Variants in DOCK3 observed in about 807,000 individuals in gnomAD.
DOCK3 encodes dedicator of cytokinesis protein 3.
DOCK3 carries 60 observed loss-of-function variants against 265.6 expected under a neutral mutation model. The ratio of observed to expected loss-of-function variants is 0.23; its 90% CI spans 0.18 to 0.28. The LOEUF (loss-of-function observed/expected upper bound fraction) is 0.28. Among genes scored for constraint, DOCK3 ranks in the 10% least tolerant of loss-of-function variants. The pLI is 1.00. For synonymous variants in DOCK3, 881 were observed against 938.0 expected, an observed-to-expected ratio of 0.94 and a Z score of 1.11; for missense variants, 1,981 against 2,594.3, an observed-to-expected ratio of 0.76 and a Z score of 5.14.
At chr3:51,250,735 T>G (rs1038306840) in intron 22 of DOCK3, among the ~76,000 whole-genome samples, 5 of 152,204 alleles carry the variant, frequency 3.3e-5, no homozygotes, top group African/African-American at 4.8e-5. Flanking sequence ...TGGGAAAGCT[T>G]CTCTGAGGAG....
At chr3:51,199,491 C>T (rs1472428790) in intron 12 of DOCK3, among the ~76,000 whole-genome samples, 3 of 152,212 alleles carry the variant, frequency 2.0e-5, no homozygotes, top group Non-Finnish European at 4.4e-5. Context: ...GGGGGAGGGG[C>T]GCCCGCCATT....
chr3:51,278,196 A>T, intron 26 of DOCK3: 2 of 985,410 alleles, frequency 2.0e-6, no homozygotes, highest in Non-Finnish European at 2.4e-6. Context: ...TTTGTCCATT[A>T]TGTTTGTATC....
rs1440165463 is a variant in DOCK3 at position 51,236,367 on chromosome 3, C to T, written c.1940C>T (p.Thr647Ile). The T allele has an allele frequency of 1.2e-6, 2 of 1,613,664 alleles. No individual in the cohort carries two copies. Among genetic ancestry groups the T allele is most frequent in the South Asian group, 1.1e-5 (1 of 91,052 alleles). The stretch of plus-strand genomic sequence containing the variant: ...TAGTTTCTGCAGGACATCTTAGATA[C>T]ACTCTTTGTGATTTTGGATGATAAT... ...IVKFLQDILDTLFVILDDNTE... is the reference protein window; with the variant it reads ...IVKFLQDILDILFVILDDNTE... Residue 647 changes from threonine (T) to isoleucine (I), a missense_variant, in exon 20 of 53, where the codon ACA becomes ATA. Physicochemically the swap from Thr to Ile is moderately conservative, Grantham distance 89. Coordinates refer to ENST00000266037, the MANE Select transcript of DOCK3 (RefSeq NM_004947.5).
chr3:51,013,092 A>C (rs981036684), intron 5 of DOCK3, among the ~76,000 whole-genome samples: 3 of 152,102 alleles, frequency 2.0e-5, no homozygotes, highest in Non-Finnish European at 4.4e-5. Flanking sequence ...ATGGGTTCGA[A>C]CATCCTCCTT....
At chr3:51,146,772 A>G in intron 10 of DOCK3, 142 bp downstream of exon 10, 1 of 691,772 alleles carries the variant, frequency 1.4e-6, no homozygotes, top group Non-Finnish European at 2.3e-6. Flanking sequence ...TGTTTCTATT[A>G]GGTTTTAATG....
intron 3 of DOCK3, among the ~76,000 whole-genome samples, chr3:50,861,928 A>G (rs1020782836): frequency 1.9e-4 from 29 of 150,528 alleles, no homozygotes; most frequent in Non-Finnish European, 1.8e-4. Context: ...TTTATGTTCA[A>G]GGTTGATACT....
At chr3:51,320,612 C>T (rs1297996041) in intron 32 of DOCK3, among the ~76,000 whole-genome samples, 3 of 152,132 alleles carry the variant, frequency 2.0e-5, no homozygotes, top group African/African-American at 7.2e-5. Flanking sequence ...AGTCCGAGGT[C>T]GACCTGGGAC....
chr3:50,821,306 T>C (rs1354391720), intron 2 of DOCK3, among the ~76,000 whole-genome samples: 1 of 151,928 alleles, frequency 6.6e-6, no homozygotes, highest in East Asian at 1.9e-4. Context: ...GATTTTTTTT[T>C]CTTTTTTTTC....
chr3:50,710,221 A>G (rs1300634156), intron 1 of DOCK3, among the ~76,000 whole-genome samples: 1 of 152,222 alleles, frequency 6.6e-6, no homozygotes, highest in Non-Finnish European at 1.5e-5. Context: ...TCAGCAGAGT[A>G]AACAGACAAC....
rs1212947781 is a variant in DOCK3, at chr3:51,015,870, T to TG, written c.316-48578_316-48577insG. 1.7e-4 allele frequency among the ~76,000 whole-genome samples: 6 copies of TG among 35,558 alleles called. 3 individuals are homozygous for TG. The highest frequency in any genetic ancestry group is 8.7e-4 in the African/African-American group (6 of 6,892). The allele number at this position is 35,558 out of a possible 152,430, so 23.3% of individuals were successfully genotyped here. A position where few individuals can be genotyped will look rare whatever the true frequency, so the allele number is the denominator to read the frequency against. On this transcript the variant is annotated intron_variant, in intron 5 of 52. Transcript: ENST00000266037. Reference sequence around the variant, plus strand: ...ATATATATCATATATATGATATATATATCATATATTTCTATATATGATATA... The same window carrying TG: ...ATATATATCATATATATGATATATATGATCATATATTTCTATATATGATATA...
chr3:51,202,086 G>C (rs1188299812), intron 12 of DOCK3, among the ~76,000 whole-genome samples: 1 of 151,176 alleles, frequency 6.6e-6, no homozygotes, highest in Non-Finnish European at 1.5e-5. Context: ...ATCCAAAATT[G>C]ACACCCTAAC....
chr3:51,202,345 G>A (rs1314273630), intron 12 of DOCK3, among the ~76,000 whole-genome samples: 24 of 150,258 alleles, frequency 1.6e-4, no homozygotes, highest in South Asian at 4.2e-4. Context: ...TATCACCACC[G>A]ATCCCACAGA....
chr3:50,790,772 G>A (rs1269211772), intron 2 of DOCK3, among the ~76,000 whole-genome samples: 3 of 152,076 alleles, frequency 2.0e-5, no homozygotes, highest in African/African-American at 7.2e-5. Flanking sequence ...CTTGACTTTA[G>A]ATAACCTGAT....
intron 1 of DOCK3, among the ~76,000 whole-genome samples, chr3:50,679,107 C>G (rs2034203034): frequency 6.6e-6 from 1 of 152,140 alleles, no homozygotes. Context: ...ACCACTGCGC[C>G]CAGCCTTGCC....
chr3:51,277,834 A>G (rs1397382851), intron 26 of DOCK3, 80 bp downstream of exon 26: 2 of 1,548,946 alleles, frequency 1.3e-6, no homozygotes, highest in South Asian at 1.2e-5. Flanking sequence ...CCATCTTACC[A>G]TCCCACCACC....
chr3:50,687,641 T>G (rs988983982), intron 1 of DOCK3, among the ~76,000 whole-genome samples: 10 of 152,214 alleles, frequency 6.6e-5, no homozygotes, highest in Admixed American at 5.9e-4. Flanking sequence ...TCCTGTAAAA[T>G]GTTGTTAAGT....
chr3:51,318,646 T>C (rs2109733366), intron 32 of DOCK3, among the ~76,000 whole-genome samples: 1 of 152,216 alleles, frequency 6.6e-6, no homozygotes, highest in South Asian at 2.1e-4. Flanking sequence ...AAAATTGTTC[T>C]ACATGAACTT....
intron 1 of DOCK3, among the ~76,000 whole-genome samples, chr3:50,680,450 G>A (rs896213602): frequency 6.7e-6 from 1 of 148,602 alleles, no homozygotes; most frequent in Non-Finnish European, 1.5e-5. Context: ...CTGACCTCAA[G>A]TGATCTGCCC....
intron 2 of DOCK3, among the ~76,000 whole-genome samples, chr3:50,807,295 AC>A (rs2043485014): frequency 7.0e-6 from 1 of 143,708 alleles, no homozygotes; most frequent in African/African-American, 2.6e-5. Context: ...TTGTTCTGTC[AC>A]CCAGGCCAGA....
Sources: allele counts gnomAD v4.1 joint callset (sites outside exome capture counted in the v4.1 genomes callset), GRCh38; gene constraint gnomAD v4.1.1; transcripts MANE v1.5; gene names NCBI Gene and HGNC (gene_info 2026-07-23, HGNC 2026-07-21).